The following RAPGEF4 variants were observed in gnomAD, a reference collection of about 807,000 sequenced individuals.
The protein encoded by RAPGEF4 is RAP guanine-nucleotide-exchange factor (GEF) 4.
A neutral mutation model predicts 147.9 loss-of-function variants in RAPGEF4; 66 were observed. The ratio of observed to expected loss-of-function variants is 0.45; its 90% CI spans 0.37 to 0.55. RAPGEF4 has a LOEUF of 0.55. Among genes scored for constraint, RAPGEF4 ranks in the 20% least tolerant of loss-of-function variants. The pLI is 0.00. For synonymous variants in RAPGEF4, 419 were observed against 442.7 expected, an observed-to-expected ratio of 0.95 and a Z score of 0.67; for missense variants, 1,071 against 1,257.3, an observed-to-expected ratio of 0.85 and a Z score of 2.24.
At chr2:172,977,576 A>G (rs1376673175) in intron 10 of RAPGEF4, among the ~76,000 whole-genome samples, 1 of 151,868 alleles carries the variant, frequency 6.6e-6, no homozygotes, top group Non-Finnish European at 1.5e-5. Context: ...TGCCACGAAC[A>G]CTGAGCCCCC....
At chr2:172,869,588 C>T (rs1349235129) in intron 4 of RAPGEF4, among the ~76,000 whole-genome samples, 1 of 152,168 alleles carries the variant, frequency 6.6e-6, no homozygotes, top group African/African-American at 2.4e-5. Flanking sequence ...TGTTTGTCAG[C>T]TCAGCCTCTT....
intron 4 of RAPGEF4, among the ~76,000 whole-genome samples, chr2:172,819,432 T>TTAAAAGTC (rs1688825842): frequency 6.6e-6 from 1 of 151,518 alleles, no homozygotes; most frequent in East Asian, 1.9e-4. Context: ...GAAAATGAAT[T>TTAAAAGTC]TAAAAGTCTT....
intron 23 of RAPGEF4, among the ~76,000 whole-genome samples, chr2:173,025,505 C>T (rs949183885): frequency 5.3e-5 from 8 of 152,156 alleles, no homozygotes; most frequent in Admixed American, 5.2e-4. Context: ...TGCAGTGGCA[C>T]GATCTCGGCT....
chr2:173,047,637 T>C (rs1685645685), intron 29 of RAPGEF4, among the ~76,000 whole-genome samples: 1 of 152,086 alleles, frequency 6.6e-6, no homozygotes, highest in South Asian at 2.1e-4. Context: ...TTCTAAGTGA[T>C]TTTTACTTTG....
At chr2:172,838,401 G>A (rs13432300) in intron 4 of RAPGEF4, among the ~76,000 whole-genome samples, 29,502 of 151,948 alleles carry the variant, frequency 0.19, 3,555 homozygotes, top group Middle Eastern at 0.31. Context: ...CTGCAATTAG[G>A]TTTAGTTCTA....
At chr2:173,014,377 A>C (rs1233183889) in intron 17 of RAPGEF4, 87 bp from the exon 18 acceptor site, 1 of 1,549,390 alleles carries the variant, frequency 6.5e-7, no homozygotes, top group Non-Finnish European at 8.8e-7. Flanking sequence ...TGGCTTTCTG[A>C]AGCTGGGATC....
At chr2:173,020,771 G>A in intron 23 of RAPGEF4, 56 bp downstream of exon 23, 1 of 1,413,494 alleles carries the variant, frequency 7.1e-7, no homozygotes, top group Non-Finnish European at 9.8e-7. Context: ...CTTGTCTGGA[G>A]CCTAATTTTG....
At chr2:172,772,201 T>G (rs1683690114) in intron 1 of RAPGEF4, among the ~76,000 whole-genome samples, 1 of 152,182 alleles carries the variant, frequency 6.6e-6, no homozygotes, top group Non-Finnish European at 1.5e-5. Context: ...ATCTGGCCAC[T>G]GTACTCCAGC....
intron 4 of RAPGEF4, among the ~76,000 whole-genome samples, chr2:172,879,358 C>G (rs1696340234): frequency 6.6e-6 from 1 of 152,052 alleles, no homozygotes; most frequent in African/African-American, 2.4e-5. Flanking sequence ...AAACCTAAAG[C>G]CATAGCTTTG....
At chr2:172,943,658 A>G (rs984288133) in intron 6 of RAPGEF4, among the ~76,000 whole-genome samples, 1 of 152,212 alleles carries the variant, frequency 6.6e-6, no homozygotes, top group Non-Finnish European at 1.5e-5. Context: ...AAGCACCCTA[A>G]ACAAATGAGA....
At chr2:172,828,759 A>G (rs1264745140) in intron 4 of RAPGEF4, among the ~76,000 whole-genome samples, 1 of 152,072 alleles carries the variant, frequency 6.6e-6, no homozygotes, top group Non-Finnish European at 1.5e-5. Context: ...CCCAGTTCAA[A>G]TGCTGTCTCC....
intron 29 of RAPGEF4, among the ~76,000 whole-genome samples, chr2:173,045,890 G>A (rs1685408225): frequency 6.6e-6 from 1 of 152,214 alleles, no homozygotes; most frequent in African/African-American, 2.4e-5. Context: ...CAGCAACTCA[G>A]GAGAGTGCCT....
chr2:172,981,176 G>A (rs1260560995), intron 10 of RAPGEF4, among the ~76,000 whole-genome samples: 1 of 152,136 alleles, frequency 6.6e-6, no homozygotes, highest in African/African-American at 2.4e-5. Flanking sequence ...CTTGGTGACT[G>A]CTTTCTCTTT....
rs576400634 is a variant in RAPGEF4 at position 172,983,025 on chromosome 2, A to G, written c.1005-471A>G. ...GAAAAAATACATTTTATAACCCCAA[A>G]TAATAGTGACAGTGGCATTATTATT... is the stretch of plus-strand genomic sequence containing the variant. On this transcript the variant is annotated intron_variant, in intron 10 of 30. Transcript: ENST00000397081. Among the ~76,000 whole-genome samples, 3 of 152,336 alleles carry G rather than the reference A, an allele frequency of 2.0e-5. No individual in the cohort carries two copies. The East Asian group carries it at 5.8e-4, about 29-fold the overall frequency.
At chr2:172,859,961 G>T in intron 4 of RAPGEF4, 1 of 900,866 alleles carries the variant, frequency 1.1e-6, no homozygotes, top group Non-Finnish European at 1.3e-6. Flanking sequence ...TTGTCCGGGA[G>T]TGACTGCCTG....
At chr2:172,816,646 C>A (rs1688540144) in intron 4 of RAPGEF4, among the ~76,000 whole-genome samples, 1 of 152,196 alleles carries the variant, frequency 6.6e-6, no homozygotes, top group Non-Finnish European at 1.5e-5. Context: ...TCCTTGCTAT[C>A]TAAAACCTTG....
intron 4 of RAPGEF4, among the ~76,000 whole-genome samples, chr2:172,842,480 G>T (rs1025022392): frequency 6.6e-6 from 1 of 152,232 alleles, no homozygotes; most frequent in African/African-American, 2.4e-5. Context: ...GTTGGGGGAT[G>T]AGACAGAGAA....
chr2:173,039,847 A>G (rs1684532017), intron 29 of RAPGEF4, among the ~76,000 whole-genome samples: 1 of 152,198 alleles, frequency 6.6e-6, no homozygotes, highest in South Asian at 2.1e-4. Flanking sequence ...GCCACATGAT[A>G]CATTTTATCT....
At chr2:172,778,318 A>T (rs1357892924) in intron 1 of RAPGEF4, among the ~76,000 whole-genome samples, 4 of 152,210 alleles carry the variant, frequency 2.6e-5, no homozygotes, top group Admixed American at 1.3e-4. Context: ...CTAGTTCCTT[A>T]TGGGGACTGA....
Sources: allele counts gnomAD v4.1 joint callset (sites outside exome capture counted in the v4.1 genomes callset), GRCh38; gene constraint gnomAD v4.1.1; transcripts MANE v1.5; gene names NCBI Gene and HGNC (gene_info 2026-07-23, HGNC 2026-07-21).